The following DDX31 variants were observed in gnomAD, a reference collection of about 807,000 sequenced individuals.
DDX31 encodes DEAD-box helicase 31.
Under a neutral mutation model 91.3 loss-of-function variants are expected in DDX31, and 70 were observed. That is an observed-to-expected ratio of 0.77 (90% CI 0.63 to 0.94). The LOEUF is 0.94. Ranked by LOEUF, DDX31 falls within the 40% of genes least tolerant of loss-of-function variation. The pLI is 0.00. For synonymous variants in DDX31, 362 were observed against 350.6 expected (o/e 1.03, Z -0.36); for missense variants, 902 against 925.0 (o/e 0.98, Z 0.32).
At chr9:132,604,467 A>G (rs1443657114) in intron 19 of DDX31, among the ~76,000 whole-genome samples, 3 of 152,168 alleles carry the variant, frequency 2.0e-5, no homozygotes, top group Admixed American at 2.0e-4. Context: ...ATAAAAAACT[A>G]CTGATTAATC....
Position 132,646,037 on chromosome 9 carries a change from G to A in DDX31, c.1238C>T (p.Ser413Leu). 1 of 1,614,020 alleles carries A rather than the reference G, an allele frequency of 6.2e-7. No homozygotes were observed. Among genetic ancestry groups the A allele is most frequent in the Non-Finnish European group, 8.5e-7 (1 of 1,179,978 alleles). Reference protein sequence around the residue: ...EEDQKMVVFFSSCELVEFHYS... With the variant: ...EEDQKMVVFFLSCELVEFHYS... ...GTGGAACTCCACCAGCTCGCAACTT[G>A]AGAAAAAGACAACCATCTTCTGGTC... Residue 413 changes from serine to leucine, a missense_variant, in exon 13 of 20, where the codon TCA becomes TTA. Coordinates refer to ENST00000372159, the MANE Select transcript of DDX31 (RefSeq NM_022779.9).
At chr9:132,654,829 C>T (rs995042886) in intron 6 of DDX31, among the ~76,000 whole-genome samples, 5 of 151,412 alleles carry the variant, frequency 3.3e-5, no homozygotes, top group African/African-American at 1.2e-4. Context: ...ATCTGTAATC[C>T]CAGCTGCTTG....
intron 17 of DDX31, 102 bp downstream of exon 17, chr9:132,625,562 T>C (rs1443841871): frequency 2.4e-6 from 2 of 828,934 alleles, no homozygotes; most frequent in Non-Finnish European, 4.0e-6. Flanking sequence ...AAAATAAATG[T>C]ATTGCTTGAC....
intron 19 of DDX31, among the ~76,000 whole-genome samples, chr9:132,596,384 G>A (rs553259563): frequency 1.3e-5 from 2 of 152,284 alleles, no homozygotes; most frequent in African/African-American, 4.8e-5. Flanking sequence ...CAACATACAG[G>A]AAGACACATT....
intron 16 of DDX31, among the ~76,000 whole-genome samples, chr9:132,628,168 T>C (rs776406722): frequency 2.0e-5 from 3 of 152,248 alleles, no homozygotes; most frequent in African/African-American, 4.8e-5. Context: ...TCTGTTTAAG[T>C]TGATTACAGT....
Position 132,658,613 on chromosome 9 carries a change from A to C in DDX31, c.588+58T>G, listed in dbSNP as rs368833824. On this transcript the variant is annotated intron_variant, in intron 6 of 19. Coordinates refer to ENST00000372159, the MANE Select transcript of DDX31 (RefSeq NM_022779.9). ...AGTCCTAATATTTCTGTTATGCTTC[A>C]GTTTGATGGTTGCTTATGCACTATG... is the stretch of plus-strand genomic sequence containing the variant. 1.3e-4 allele frequency: 183 copies of C among 1,458,358 alleles called. 3 individuals are homozygous for C. The South Asian group carries it at 1.4e-3, about 11-fold the overall frequency. 90.3% of individuals were successfully genotyped at this position (1,458,358 alleles called of 1,614,324 possible).
rs189147698 is a variant in DDX31, at chr9:132,615,440, G to A, written c.1825+2890C>T. On this transcript the variant is annotated intron_variant, in intron 18 of 19. Coordinates refer to ENST00000372159, the MANE Select transcript of DDX31 (RefSeq NM_022779.9). Reference sequence around the variant, plus strand: ...ACCCAACACCTACAGCGACAACTACGGAAAGGATGGAGGAAAAGGAGGTTC... The same window carrying A: ...ACCCAACACCTACAGCGACAACTACAGAAAGGATGGAGGAAAAGGAGGTTC... Among the ~76,000 whole-genome samples the A allele has an allele frequency of 7.9e-4, 121 of 152,224 alleles. 1 individual carries two copies. Among genetic ancestry groups the A allele is most frequent in the African/African-American group, 2.8e-3 (115 of 41,506 alleles).
chr9:132,647,753 T>C (rs1590070272), intron 11 of DDX31, among the ~76,000 whole-genome samples: 1 of 152,156 alleles, frequency 6.6e-6, no homozygotes, highest in South Asian at 2.1e-4. Flanking sequence ...CTCACATGGA[T>C]GGAAGACAGA....
intron 17 of DDX31, among the ~76,000 whole-genome samples, chr9:132,620,323 C>T (rs146932898): frequency 9.9e-5 from 15 of 151,838 alleles, no homozygotes; most frequent in African/African-American, 3.6e-4. Context: ...TGTGTCACAA[C>T]TGTCAGGGGA....
At chr9:132,647,360 T>C (rs1220452503) in intron 11 of DDX31, among the ~76,000 whole-genome samples, 1 of 152,100 alleles carries the variant, frequency 6.6e-6, no homozygotes, top group Non-Finnish European at 1.5e-5. Flanking sequence ...AAGTAAGTTA[T>C]GGCAAATCTT....
chr9:132,607,314 G>A (rs1279622902), intron 19 of DDX31, among the ~76,000 whole-genome samples: 1 of 152,204 alleles, frequency 6.6e-6, no homozygotes, highest in Non-Finnish European at 1.5e-5. Flanking sequence ...AAAATCAGGA[G>A]CTACCAGCTA....
chr9:132,601,312 A>G (rs533536854), intron 19 of DDX31, among the ~76,000 whole-genome samples: 1 of 152,326 alleles, frequency 6.6e-6, no homozygotes, highest in East Asian at 1.9e-4. Flanking sequence ...TTGCTGTTAG[A>G]AGGTAGGGTG....
intron 19 of DDX31, among the ~76,000 whole-genome samples, chr9:132,608,518 G>A (rs536795607): frequency 1.3e-5 from 2 of 152,238 alleles, no homozygotes; most frequent in East Asian, 1.9e-4. Context: ...ACCTGCTCCC[G>A]ATCCCCATTC....
intron 17 of DDX31, among the ~76,000 whole-genome samples, chr9:132,622,580 C>T (rs1590008669): frequency 1.3e-5 from 2 of 152,192 alleles, no homozygotes; most frequent in African/African-American, 4.8e-5. Context: ...GATCTGCACT[C>T]GGGGATAAAG....
rs778631999 is a variant in DDX31 at position 132,650,333 on chromosome 9, G to A, written c.676-35C>T. On this transcript the variant is annotated intron_variant, in intron 8 of 19. Coordinates refer to ENST00000372159, the MANE Select transcript of DDX31 (RefSeq NM_022779.9). ...GACAGCAGACCACAGTCAGTGCAAA[G>A]CCCCCTTTACTAACATCAGACATTG... The A allele has an allele frequency of 4.4e-6, 7 of 1,599,150 alleles. No individual in the cohort carries two copies. In the South Asian group the frequency reaches 4.4e-5, roughly 10 times the overall value.
chr9:132,667,307 T>C (rs2583806), intron 1 of DDX31, among the ~76,000 whole-genome samples: 23,293 of 151,798 alleles, frequency 0.15, 3,582 homozygotes, highest in African/African-American at 0.4. Context: ...ACGACATCAA[T>C]GAAAATGTAG....
intron 19 of DDX31, among the ~76,000 whole-genome samples, chr9:132,608,272 G>C (rs1831133427): frequency 6.6e-6 from 1 of 152,180 alleles, no homozygotes; most frequent in South Asian, 2.1e-4. Flanking sequence ...GTAGGTGTCA[G>C]AAGAGTTTTT....
chr9:132,604,232 G>A (rs1464209400), intron 19 of DDX31, among the ~76,000 whole-genome samples: 1 of 152,136 alleles, frequency 6.6e-6, no homozygotes, highest in Non-Finnish European at 1.5e-5. Context: ...TTGACAAATG[G>A]TCCCTGAGAC....
At chr9:132,669,719 G>C (rs990754560) in intron 1 of DDX31, 141 bp downstream of exon 1, 3 of 1,532,240 alleles carry the variant, frequency 2.0e-6, no homozygotes, top group Non-Finnish European at 2.6e-6. Context: ...GGCGCAACTT[G>C]TCCCGAAGCT....
Sources: allele counts gnomAD v4.1 joint callset (sites outside exome capture counted in the v4.1 genomes callset), GRCh38; gene constraint gnomAD v4.1.1; transcripts MANE v1.5; gene names NCBI Gene and HGNC (gene_info 2026-07-23, HGNC 2026-07-21).